BUB1: variants seen among roughly 807,000 people sequenced by gnomAD.
BUB1 encodes mitotic checkpoint serine/threonine-protein kinase BUB1.
BUB1 carries 84 observed loss-of-function variants against 135.2 expected under a neutral mutation model. The observed-to-expected ratio is 0.62, with a 90% CI of 0.52 to 0.74. The LOEUF (loss-of-function observed/expected upper bound fraction) is 0.74, where lower values mean the gene tolerates loss of function less well. Among genes scored for constraint, BUB1 ranks in the 30% least tolerant of loss-of-function variants. The pLI is 0.00. For missense variants in BUB1, 1,162 were observed against 1,288.3 expected (o/e 0.90, Z 1.50); for synonymous variants, 403 against 434.4 (o/e 0.93, Z 0.90).
intron 7 of BUB1, 37 bp from the exon 8 acceptor site, chr2:110,667,742 AC>A (rs1282095762): frequency 6.2e-7 from 1 of 1,610,036 alleles, no homozygotes; most frequent in Non-Finnish European, 8.5e-7. Context: ...ACAACAATGT[AC>A]CTAAGAGCAC....
At chr2:110,667,484 G>T in intron 8 of BUB1, 37 bp downstream of exon 8, 1 of 1,556,016 alleles carries the variant, frequency 6.4e-7, no homozygotes, top group Non-Finnish European at 8.7e-7. Flanking sequence ...TTTTTTATGT[G>T]ACATAAGAAT....
chr2:110,670,514 C>A lies in BUB1; in HGVS notation c.466+11G>T, dbSNP rs772798141. 6.2e-7 allele frequency: 1 copy of A among 1,613,634 alleles called. No homozygotes were observed. The highest frequency in any genetic ancestry group is 8.5e-7 in the Non-Finnish European group (1 of 1,179,654). ...GGACAACAACAGGCATTTTAGAAAG[C>A]CTGATTTTACCTTGAGCTGGCAAAT... On this transcript the variant is annotated intron_variant, in intron 5 of 24. Transcript: ENST00000302759.
chr2:110,641,277 G>A (rs755891623), intron 22 of BUB1, 30 bp downstream of exon 22: 1 of 1,592,550 alleles, frequency 6.3e-7, no homozygotes, highest in East Asian at 2.2e-5. Flanking sequence ...AATAGGAAGA[G>A]AAGAACCCTG....
chr2:110,673,616 CAG>C (rs2104560832), intron 3 of BUB1, among the ~76,000 whole-genome samples: 1 of 151,842 alleles, frequency 6.6e-6, no homozygotes, highest in African/African-American at 2.4e-5. Flanking sequence ...GGGGTGGGGA[CAG>C]AGTCTCACTC....
At position 110,667,628 on chromosome 2, in the gene BUB1, T is replaced by C; in HGVS notation, c.698A>G (p.Gln233Arg). Residue 233 changes from glutamine to arginine, a missense_variant, in exon 8 of 25, where the codon CAG (glutamine) becomes CGG (arginine). Transcript: ENST00000302759. ...CTTCTCCTTGCAATACATAACAACC[T>C]GCTCAACATCAACTTTGGATGCCAA... ...SSLASKVDVE[Q>R]VVMYCKEKLI... The C allele has an allele frequency of 6.2e-7, 1 of 1,614,044 alleles. No homozygotes were observed. The highest frequency in any genetic ancestry group is 1.3e-5 in the African/African-American group (1 of 75,054).
In BUB1 at chr2:110,667,877, T is replaced by A. The variant is rs191509431; in HGVS notation, c.568-28A>T. ...AAAAAACAGAAAACAAACATGAGCATTCACTTATCTGAGAAGAAAGCTTCA... is the reference window on the plus strand; with the variant it reads ...AAAAAACAGAAAACAAACATGAGCAATCACTTATCTGAGAAGAAAGCTTCA... On this transcript the variant is annotated intron_variant, in intron 6 of 24. Coordinates refer to ENST00000302759, the MANE Select transcript of BUB1 (RefSeq NM_004336.5). 3,772 of 1,603,974 alleles carry A rather than the reference T, an allele frequency of 2.4e-3. 6 individuals are homozygous for A. The highest frequency in any genetic ancestry group is 2.9e-3 in the Non-Finnish European group (3,470 of 1,176,492).
At position 110,648,667 on chromosome 2, in the gene BUB1, T is replaced by G. The variant is rs1027763210; in HGVS notation, c.2347+567A>C. On this transcript the variant is annotated intron_variant, in intron 19 of 24. Transcript: ENST00000302759. The surrounding 1 kb of genome is among the most constrained non-coding windows in gnomAD (Gnocchi z 4.2). The stretch of plus-strand genomic sequence containing the variant: ...ATATGGGGAGGTAGGAATATGTACT[T>G]TATGCTGAATTTTTCTGTAAGCTTA... 1 of 152,164 alleles carries G rather than the reference T, an allele frequency of 6.6e-6. No homozygotes were observed. The highest frequency in any genetic ancestry group is 1.5e-5 in the Non-Finnish European group (1 of 68,034). 9.4% of individuals were successfully genotyped at this position (152,164 alleles called of 1,614,324 possible). A position where few individuals can be genotyped will look rare whatever the true frequency, so the allele number is the denominator to read the frequency against.
At chr2:110,646,214 T>A (rs1214426353) in intron 19 of BUB1, among the ~76,000 whole-genome samples, 1 of 149,394 alleles carries the variant, frequency 6.7e-6, no homozygotes, top group Non-Finnish European at 1.5e-5. Context: ...TGCATGACTG[T>A]AGTCCTAACT....
rs993963191 is a variant in BUB1 at position 110,649,460 on chromosome 2, G to A, written c.2204-83C>T. On this transcript the variant is annotated intron_variant, in intron 18 of 24. Coordinates refer to ENST00000302759, the MANE Select transcript of BUB1 (RefSeq NM_004336.5). ...TTACCAAATAAATTATAGACAAAGT[G>A]AGTAGAGATATTTACTAAGTAAGCT... 13 of 1,269,992 alleles carry A rather than the reference G, an allele frequency of 1.0e-5. No individual in the cohort carries two copies. The African/African-American group carries it at 2.0e-4, about 19-fold the overall frequency. 78.7% of individuals were successfully genotyped at this position (1,269,992 alleles called of 1,614,324 possible).
chr2:110,653,590 G>C, intron 16 of BUB1, 67 bp from the exon 17 acceptor site: 1 of 1,302,996 alleles, frequency 7.7e-7, no homozygotes, highest in Non-Finnish European at 1.1e-6. Context: ...CACACCATTT[G>C]ATATGGTTAC....
chr2:110,650,817 C>T (rs754733068), intron 17 of BUB1, 33 bp from the exon 18 acceptor site: 4 of 1,554,978 alleles, frequency 2.6e-6, no homozygotes, highest in Non-Finnish European at 3.5e-6. Context: ...GAAACCAAAA[C>T]ACCACATGAT....
At chr2:110,649,536 A>G (rs1441878641) in intron 18 of BUB1, among the ~76,000 whole-genome samples, 159 bp from the exon 19 acceptor site, 5 of 152,232 alleles carry the variant, frequency 3.3e-5, no homozygotes, top group Non-Finnish European at 7.3e-5. Context: ...ACTATTTTTA[A>G]AAGTCAAAAT....
At position 110,644,058 on chromosome 2, in the gene BUB1, C is replaced by CAAAAAAAAAAAAAAAAA. The variant is rs58393999; in HGVS notation, c.2348-1841_2348-1825dup. ...AATAAAAACTTCCAAAACTGAAATG[C>CAAAAAAAAAAAAAAAAA]AAAAAAAAAAAAAAAAAAAAAAATA... On this transcript the variant is annotated intron_variant, in intron 19 of 24. Coordinates refer to ENST00000302759, the MANE Select transcript of BUB1 (RefSeq NM_004336.5). Among the ~76,000 whole-genome samples, 170 of 39,570 alleles carry CAAAAAAAAAAAAAAAAA rather than the reference C, an allele frequency of 4.3e-3. 1 individual carries two copies. Among genetic ancestry groups the CAAAAAAAAAAAAAAAAA allele is most frequent in the African/African-American group, 9.6e-3 (77 of 8,006 alleles). The allele number at this position is 39,570 out of a possible 152,430, so 26.0% of individuals were successfully genotyped here. A position where few individuals can be genotyped will look rare whatever the true frequency, so the allele number is the denominator to read the frequency against.
At chr2:110,645,135 GA>G (rs1197048728) in intron 19 of BUB1, among the ~76,000 whole-genome samples, 1 of 152,070 alleles carries the variant, frequency 6.6e-6, no homozygotes. Flanking sequence ...CAAGACAGAT[GA>G]AAAGTAAAGG....
intron 19 of BUB1, among the ~76,000 whole-genome samples, chr2:110,645,929 GAGAGTGTCAA>G (rs1441532185): frequency 2.0e-5 from 3 of 152,016 alleles, no homozygotes; most frequent in African/African-American, 7.2e-5. Flanking sequence ...AGCCTAACAA[GAGAGTGTCAA>G]AATATGTGAG....
At chr2:110,649,807 T>A (rs1689734082) in intron 18 of BUB1, among the ~76,000 whole-genome samples, 1 of 152,208 alleles carries the variant, frequency 6.6e-6, no homozygotes, top group South Asian at 2.1e-4. Context: ...TATGTGCAAT[T>A]TGCATATATG....
chr2:110,652,624 A>G (rs954281566), intron 17 of BUB1, among the ~76,000 whole-genome samples: 1 of 152,184 alleles, frequency 6.6e-6, no homozygotes, highest in African/African-American at 2.4e-5. Flanking sequence ...TCACTAATTC[A>G]GTGTTTGTGG....
chr2:110,658,594 A>G lies in BUB1; in HGVS notation c.1405+20T>C. 6.2e-7 allele frequency: 1 copy of G among 1,614,198 alleles called. No individual in the cohort carries two copies. Among genetic ancestry groups the G allele is most frequent in the Non-Finnish European group, 8.5e-7 (1 of 1,180,016 alleles). ...ATTAACTTGTCATCAGGTGCTACAC[A>G]CTCAGATAAAATACTTTACCTAATG... On this transcript the variant is annotated intron_variant, in intron 12 of 24. Transcript: ENST00000302759.
intron 16 of BUB1, among the ~76,000 whole-genome samples, chr2:110,655,291 T>G (rs1689897372): frequency 1.3e-5 from 2 of 152,224 alleles, no homozygotes; most frequent in South Asian, 2.1e-4. Flanking sequence ...AGTTGACATA[T>G]ATGTGTGTAG....
Sources: allele counts gnomAD v4.1 joint callset (sites outside exome capture counted in the v4.1 genomes callset), GRCh38; gene constraint gnomAD v4.1.1; non-coding constraint Gnocchi (gnomAD v3.1); transcripts MANE v1.5; gene names NCBI Gene and HGNC (gene_info 2026-07-23, HGNC 2026-07-21).